The following EFNA5 variants were observed in gnomAD, a reference collection of about 807,000 sequenced individuals.
EFNA5 encodes ephrin A5, also known as ephrin-A5.
In EFNA5, 5 loss-of-function variants were observed where a neutral mutation model predicts 22.9. That is an observed-to-expected ratio of 0.22 (90% CI 0.11 to 0.46). The LOEUF is 0.46. Ranked by LOEUF, EFNA5 falls within the 20% of genes least tolerant of loss-of-function variation. EFNA5 has a pLI of 0.99. For missense variants in EFNA5, 237 were observed against 293.3 expected, an observed-to-expected ratio of 0.81 and a Z score of 1.40; for synonymous variants, 113 against 112.2, an observed-to-expected ratio of 1.01 and a Z score of -0.04.
In EFNA5 at chr5:107,552,544, C is replaced by G. The variant is rs906544590; in HGVS notation, c.125+117945G>C. On this transcript the variant is annotated intron_variant, in intron 1 of 4. Transcript: ENST00000333274. Reference sequence around the variant, plus strand: ...CCAAAGTCTATGTTAACCATTCTTACCATTCCATTAGTGAACAACATCTGG... The same window carrying G: ...CCAAAGTCTATGTTAACCATTCTTAGCATTCCATTAGTGAACAACATCTGG... Among the ~76,000 whole-genome samples the G allele has an allele frequency of 1.4e-4, 21 of 152,182 alleles. 1 individual carries two copies. The highest frequency in any genetic ancestry group is 4.1e-4 in the African/African-American group (17 of 41,454).
chr5:107,553,819 C>T (rs1024567241), intron 1 of EFNA5, among the ~76,000 whole-genome samples: 1 of 152,054 alleles, frequency 6.6e-6, no homozygotes, highest in Admixed American at 6.6e-5. Flanking sequence ...ATTATATACA[C>T]ATTATTATCA....
intron 1 of EFNA5, among the ~76,000 whole-genome samples, chr5:107,664,395 CTAG>C (rs1373838736): frequency 2.0e-5 from 3 of 152,086 alleles, no homozygotes; most frequent in Non-Finnish European, 4.4e-5. Flanking sequence ...AATAAATCTC[CTAG>C]TAGTGAGTAA....
chr5:107,445,402 T>C (rs1282178573), intron 1 of EFNA5, among the ~76,000 whole-genome samples: 10 of 152,192 alleles, frequency 6.6e-5, no homozygotes, highest in Non-Finnish European at 1.2e-4. Context: ...ATATGTGCTC[T>C]ATTGAAGGGT....
At position 107,608,379 on chromosome 5, in the gene EFNA5, G is replaced by A. The variant is rs72660778; in HGVS notation, c.125+62110C>T. ...ACAGATTCCCATGCTGTGGTCCACA[G>A]TCTCATACACAACTTAAAATGTTAA... On this transcript the variant is annotated intron_variant, in intron 1 of 4. Coordinates refer to ENST00000333274, the MANE Select transcript of EFNA5 (RefSeq NM_001962.3). Among the ~76,000 whole-genome samples the A allele has an allele frequency of 2.8e-3, 423 of 152,300 alleles. 4 individuals carry two copies. The East Asian group carries it at 0.039, about 14-fold the overall frequency.
At chr5:107,394,475 T>C (rs997476293) in intron 2 of EFNA5, among the ~76,000 whole-genome samples, 2 of 152,154 alleles carry the variant, frequency 1.3e-5, no homozygotes, top group African/African-American at 4.8e-5. Context: ...ACAAGAGGGA[T>C]AGAAAAACAT....
chr5:107,635,421 G>A (rs1176646646), intron 1 of EFNA5, among the ~76,000 whole-genome samples: 2 of 152,164 alleles, frequency 1.3e-5, no homozygotes, highest in Non-Finnish European at 2.9e-5. Context: ...TTCCCCCAGC[G>A]GTTCAGCAGG....
intron 2 of EFNA5, among the ~76,000 whole-genome samples, chr5:107,421,077 T>A (rs914740198): frequency 4.6e-5 from 7 of 152,212 alleles, no homozygotes; most frequent in Non-Finnish European, 8.8e-5. Flanking sequence ...ATCAAATGAT[T>A]TCTGAAGCTG....
chr5:107,628,711 A>C (rs999794323), intron 1 of EFNA5, among the ~76,000 whole-genome samples: 10 of 152,196 alleles, frequency 6.6e-5, no homozygotes, highest in Non-Finnish European at 2.9e-5. Context: ...GGGAATATGA[A>C]GCCAAAATAA....
rs1411015470 is a variant in EFNA5, at chr5:107,377,332, C to G, written c.*3923G>C. 6.6e-6 allele frequency: 1 copy of G among 152,026 alleles called. No individual in the cohort carries two copies. The highest frequency in any genetic ancestry group is 1.9e-4 in the East Asian group (1 of 5,186). The allele number at this position is 152,026 out of a possible 1,614,324, so 9.4% of individuals were successfully genotyped here. On this transcript the variant is annotated 3_prime_UTR_variant, in exon 5 of 5. Coordinates refer to ENST00000333274, the MANE Select transcript of EFNA5 (RefSeq NM_001962.3). ...TCAGTGATGCCAAACCAGAGACAGACCTGCCCATTCACAGCTCTGAGGGGA... is the reference window on the plus strand; with the variant it reads ...TCAGTGATGCCAAACCAGAGACAGAGCTGCCCATTCACAGCTCTGAGGGGA...
chr5:107,472,575 C>A (rs1462402481), intron 1 of EFNA5, among the ~76,000 whole-genome samples: 8 of 152,278 alleles, frequency 5.3e-5, no homozygotes, highest in African/African-American at 1.9e-4. Context: ...AGACTTTAGT[C>A]ATTAATAAAC....
At position 107,435,315 on chromosome 5, in the gene EFNA5, C is replaced by CTTTTTTTTTTTTTTT. The variant is rs3999107; in HGVS notation, c.126-7821_126-7807dup. 1.7e-3 allele frequency among the ~76,000 whole-genome samples: 178 copies of CTTTTTTTTTTTTTTT among 104,628 alleles called. 6 individuals are homozygous for CTTTTTTTTTTTTTTT. Among genetic ancestry groups the CTTTTTTTTTTTTTTT allele is most frequent in the African/African-American group, 4.8e-3 (120 of 25,154 alleles). 68.6% of individuals were successfully genotyped at this position (104,628 alleles called of 152,430 possible). ...TTCCTATTCTAAATCTGAAGATGCT[C>CTTTTTTTTTTTTTTT]TTTTTTTTTTTTTTTTTTTTTTGCT... is the stretch of plus-strand genomic sequence containing the variant. On this transcript the variant is annotated intron_variant, in intron 1 of 4. Transcript: ENST00000333274.
chr5:107,606,962 C>T (rs2112517224), intron 1 of EFNA5, among the ~76,000 whole-genome samples: 1 of 152,210 alleles, frequency 6.6e-6, no homozygotes, highest in South Asian at 2.1e-4. Context: ...ATTCTCCTAT[C>T]CTAAGGGGAT....
At chr5:107,398,641 G>A (rs1298825437) in intron 2 of EFNA5, among the ~76,000 whole-genome samples, 2 of 151,900 alleles carry the variant, frequency 1.3e-5, no homozygotes, top group Non-Finnish European at 2.9e-5. Context: ...GAGCCCGAGA[G>A]TTTGAGAACA....
Position 107,376,930 on chromosome 5 carries a change from T to A in EFNA5, c.*4325A>T, listed in dbSNP as rs1747276978. ...AAAATCTTTAATTTTTATTTAGTTA[T>A]ACTTGTACGGACACGTGTATATACA... On this transcript the variant is annotated 3_prime_UTR_variant, in exon 5 of 5. Coordinates refer to ENST00000333274, the MANE Select transcript of EFNA5 (RefSeq NM_001962.3). 1 of 151,938 alleles carries A rather than the reference T, an allele frequency of 6.6e-6. No homozygotes were observed. Among genetic ancestry groups the A allele is most frequent in the Non-Finnish European group, 1.5e-5 (1 of 67,994 alleles). 9.4% of individuals were successfully genotyped at this position (151,938 alleles called of 1,614,324 possible).
intron 1 of EFNA5, among the ~76,000 whole-genome samples, chr5:107,608,628 G>A (rs1482422838): frequency 1.3e-5 from 2 of 152,328 alleles, no homozygotes; most frequent in East Asian, 3.9e-4. Flanking sequence ...CTTAAAGCAG[G>A]AGATGGAGGC....
intron 1 of EFNA5, among the ~76,000 whole-genome samples, chr5:107,551,228 ATTCAAACCCAG>A (rs1285408572): frequency 6.6e-6 from 1 of 152,208 alleles, no homozygotes; most frequent in Non-Finnish European, 1.5e-5. Context: ...CAGAGCCAGG[ATTCAAACCCAG>A]GCCAACTGGC....
chr5:107,569,546 TG>T (rs1403301092), intron 1 of EFNA5, among the ~76,000 whole-genome samples: 36 of 125,706 alleles, frequency 2.9e-4, no homozygotes, highest in African/African-American at 8.9e-4. Flanking sequence ...TATATATGTG[TG>T]TATATATATA....
chr5:107,606,881 G>A (rs554667649), intron 1 of EFNA5, among the ~76,000 whole-genome samples: 48 of 152,126 alleles, frequency 3.2e-4, no homozygotes, highest in South Asian at 6.2e-4. Context: ...CAGGAACAGC[G>A]CCCTAATTTT....
intron 1 of EFNA5, among the ~76,000 whole-genome samples, chr5:107,488,470 T>C (rs1476178028): frequency 6.6e-6 from 1 of 152,198 alleles, no homozygotes; most frequent in African/African-American, 2.4e-5. Context: ...TTATTCTCTA[T>C]CAGAAAGGGT....
Sources: allele counts gnomAD v4.1 joint callset (sites outside exome capture counted in the v4.1 genomes callset), GRCh38; gene constraint gnomAD v4.1.1; transcripts MANE v1.5; gene names NCBI Gene and HGNC (gene_info 2026-07-23, HGNC 2026-07-21).